Variants in CACNA1D observed in about 807,000 individuals in gnomAD.
The protein encoded by CACNA1D is calcium voltage-gated channel subunit alpha1 D.
In CACNA1D, 55 loss-of-function variants were observed where a neutral mutation model predicts 257.1. The ratio of observed to expected loss-of-function variants is 0.21; its 90% confidence interval spans 0.17 to 0.27. CACNA1D has a LOEUF of 0.27. Ranked by LOEUF, CACNA1D falls within the 10% of genes least tolerant of loss-of-function variation. The probability of loss-of-function intolerance (pLI) is 1.00; values close to 1 mark genes in which losing one functional copy is unlikely to be tolerated. For synonymous variants in CACNA1D, 980 were observed against 1,014.9 expected (o/e 0.97, Z 0.65); for missense variants, 1,876 against 2,784.0 (o/e 0.67, Z 7.34).
Position 53,762,026 on chromosome 3 carries a change from T to C in CACNA1D, c.3815T>C (p.Phe1272Ser). 1 of 1,613,860 alleles carries C rather than the reference T, an allele frequency of 6.2e-7. No individual in the cohort carries two copies. The highest frequency in any genetic ancestry group is 8.5e-7 in the Non-Finnish European group (1 of 1,179,712). ...TATTTTAGTGACGCCTGGAACACGT[T>C]TGACTCCCTCATCGTAATCGGCAGC... ...KGYFSDAWNTFDSLIVIGSII... is the reference protein window; with the variant it reads ...KGYFSDAWNTSDSLIVIGSII... Residue 1272 changes from phenylalanine to serine, a missense_variant, in exon 30 of 48, where the codon TTT becomes TCT. This residue lies in a region of CACNA1D where 204 missense variants were observed against 309.4 expected (regional missense o/e 0.66). Coordinates refer to ENST00000350061, the MANE Select transcript of CACNA1D (RefSeq NM_001128840.3).
rs58591238 is a variant in CACNA1D, at chr3:53,702,569, G to A, written c.1221-72G>A. The A allele has an allele frequency of 1.8e-3, 2,575 of 1,449,416 alleles. 40 individuals are homozygous for A. In the African/African-American group the frequency reaches 0.031, roughly 18 times the overall value. The allele number at this position is 1,449,416 out of a possible 1,614,324, so 89.8% of individuals were successfully genotyped here. ...GTCCTGCCCACAAGACTGTTGTGCA[G>A]TAGGGCAGTGGCTCAGGATGCAGGT... On this transcript the variant is annotated intron_variant, in intron 8 of 47. Transcript: ENST00000350061.
Position 53,660,154 on chromosome 3 carries a change from A to G in CACNA1D, c.645A>G (p.Glu215=), listed in dbSNP as rs751327527. Reference sequence around the variant, plus strand: ...TCAGATTGTTTAGTGTAATTTTGGAACAATTAACCAAAGAAACAGAAGGCG... The same window carrying G: ...TCAGATTGTTTAGTGTAATTTTGGAGCAATTAACCAAAGAAACAGAAGGCG... ...VIVGLFSVIL[E]QLTKETEGGN... The change falls in exon 5 of 48, where the codon GAA becomes GAG. Residue 215 remains glutamate, a synonymous_variant. Coordinates refer to ENST00000350061, the MANE Select transcript of CACNA1D (RefSeq NM_001128840.3). 1.1e-4 allele frequency: 176 copies of G among 1,613,852 alleles called. No homozygotes were observed. Among genetic ancestry groups the G allele is most frequent in the African/African-American group, 1.2e-4 (9 of 74,906 alleles).
At chr3:53,756,900 C>T (rs1412612198) in intron 29 of CACNA1D, among the ~76,000 whole-genome samples, 2 of 152,210 alleles carry the variant, frequency 1.3e-5, no homozygotes, top group African/African-American at 4.8e-5. Context: ...GGTTACTGGC[C>T]TTCTCCAGTG....
At position 53,621,903 on chromosome 3, in the gene CACNA1D, T is replaced by C. The variant is rs569209956; in HGVS notation, c.484-28876T>C. Among the ~76,000 whole-genome samples, 3 of 152,208 alleles carry C rather than the reference T, an allele frequency of 2.0e-5. 1 individual carries two copies. Among genetic ancestry groups the C allele is most frequent in the South Asian group, 4.1e-4 (2 of 4,822 alleles). Reference sequence around the variant, plus strand: ...TTCAGAAAAATGCAAGTTAAAACCATAGGACATGCTACTACACACCTACCA... The same window carrying C: ...TTCAGAAAAATGCAAGTTAAAACCACAGGACATGCTACTACACACCTACCA... On this transcript the variant is annotated intron_variant, in intron 3 of 47. Transcript: ENST00000350061.
chr3:53,786,546 C>T, intron 39 of CACNA1D: 1 of 429,310 alleles, frequency 2.3e-6, no homozygotes, highest in South Asian at 2.5e-5. Context: ...TACTAATATG[C>T]TGCTCTATTA....
intron 45 of CACNA1D, among the ~76,000 whole-genome samples, chr3:53,805,848 T>G (rs1212284073): frequency 9.6e-6 from 1 of 104,152 alleles, no homozygotes; most frequent in Admixed American, 1.1e-4. Flanking sequence ...CCTCCATCTT[T>G]CCTCCTCCTC....
At chr3:53,677,950 A>G (rs1045587180) in intron 8 of CACNA1D, among the ~76,000 whole-genome samples, 17 of 152,188 alleles carry the variant, frequency 1.1e-4, no homozygotes, top group African/African-American at 4.1e-4. Context: ...GTGAGGACTC[A>G]GTGAGCTGAA....
intron 20 of CACNA1D, among the ~76,000 whole-genome samples, chr3:53,738,108 G>A (rs746257525): frequency 1.5e-4 from 23 of 152,210 alleles, no homozygotes; most frequent in South Asian, 1.0e-3. Context: ...GGAGGCTGGC[G>A]AGTGTGCAAG....
Position 53,505,171 on chromosome 3 carries a change from C to A in CACNA1D, c.483+3451C>A, listed in dbSNP as rs1487126240. On this transcript the variant is annotated intron_variant, in intron 3 of 47. Coordinates refer to ENST00000350061, the MANE Select transcript of CACNA1D (RefSeq NM_001128840.3). ...TTGCCCAGGCTGGAGTGCTGTGGTG[C>A]AATTTCGGCTCACTGCAAGCTCCGC... Among the ~76,000 whole-genome samples, 10 of 129,688 alleles carry A rather than the reference C, an allele frequency of 7.7e-5. No homozygotes were observed. In the Admixed American group the frequency reaches 8.4e-4, roughly 11 times the overall value. 85.1% of individuals were successfully genotyped at this position (129,688 alleles called of 152,430 possible).
chr3:53,713,546 GA>G (rs2094786363), intron 9 of CACNA1D, among the ~76,000 whole-genome samples: 1 of 143,098 alleles, frequency 7.0e-6, no homozygotes, highest in African/African-American at 2.5e-5. Flanking sequence ...GTGTGTGTGA[GA>G]GATTTGCCTC....
chr3:53,798,588 A>G (rs1285235388), intron 40 of CACNA1D, among the ~76,000 whole-genome samples: 2 of 152,204 alleles, frequency 1.3e-5, no homozygotes, highest in Admixed American at 1.3e-4. Context: ...AATTCACTAA[A>G]TGGAAAGATC....
intron 3 of CACNA1D, among the ~76,000 whole-genome samples, chr3:53,638,960 G>A (rs2093917115): frequency 6.6e-6 from 1 of 152,232 alleles, no homozygotes; most frequent in Admixed American, 6.5e-5. Flanking sequence ...AGACAACAGA[G>A]GAGTCCAGGT....
rs367786816 is a variant in CACNA1D at position 53,702,799 on chromosome 3, G to A, written c.1379G>A (p.Gly460Asp). 5.4e-5 allele frequency: 87 copies of A among 1,614,072 alleles called. No individual in the cohort carries two copies. The highest frequency in any genetic ancestry group is 7.1e-5 in the Non-Finnish European group (84 of 1,180,042). The change falls in exon 9 of 48, where the codon GGC becomes GAC. Residue 460 changes from glycine (G) to aspartate (D), a missense_variant. Coordinates refer to ENST00000350061, the MANE Select transcript of CACNA1D (RefSeq NM_001128840.3). ...PENEEEGGEE[G>D]KRNTSMPTSE... Reference sequence around the variant, plus strand: ...AATGAGGAAGAAGGAGGAGAGGAAGGCAAACGAAATAGTATGTAGCGCCTT... The same window carrying A: ...AATGAGGAAGAAGGAGGAGAGGAAGACAAACGAAATAGTATGTAGCGCCTT...
At chr3:53,599,131 G>A (rs970107916) in intron 3 of CACNA1D, among the ~76,000 whole-genome samples, 7 of 151,964 alleles carry the variant, frequency 4.6e-5, no homozygotes, top group African/African-American at 1.7e-4. Flanking sequence ...AGGGTCTTCT[G>A]CAGTGACAGC....
chr3:53,551,412 G>T (rs763270738), intron 3 of CACNA1D, among the ~76,000 whole-genome samples: 9 of 152,218 alleles, frequency 5.9e-5, no homozygotes, highest in Admixed American at 2.6e-4. Flanking sequence ...GTTTTGTCTG[G>T]GTCAGACTGA....
chr3:53,523,476 C>T (rs1191067811), intron 3 of CACNA1D, among the ~76,000 whole-genome samples: 4 of 152,236 alleles, frequency 2.6e-5, no homozygotes, highest in Non-Finnish European at 5.9e-5. Flanking sequence ...AAAGGATTGA[C>T]CAAGAATCAT....
At chr3:53,533,336 G>T (rs530104016) in intron 3 of CACNA1D, among the ~76,000 whole-genome samples, 9 of 152,142 alleles carry the variant, frequency 5.9e-5, no homozygotes, top group South Asian at 2.1e-4. Context: ...TTTAAAAATC[G>T]CGTATGTGGG....
intron 3 of CACNA1D, among the ~76,000 whole-genome samples, chr3:53,541,279 G>T (rs751219938): frequency 3.3e-5 from 5 of 152,110 alleles, no homozygotes; most frequent in Non-Finnish European, 7.3e-5. Context: ...GGTCTAACTG[G>T]CCATATTCAG....
chr3:53,664,253 G>C (rs1427438974), intron 5 of CACNA1D, among the ~76,000 whole-genome samples: 1 of 152,046 alleles, frequency 6.6e-6, no homozygotes, highest in Non-Finnish European at 1.5e-5. Context: ...TTTTGTTGGG[G>C]ACACTGGGAT....
Sources: allele counts gnomAD v4.1 joint callset (sites outside exome capture counted in the v4.1 genomes callset), GRCh38; gene constraint gnomAD v4.1.1; regional missense constraint gnomAD v4.1.1; transcripts MANE v1.5; gene names NCBI Gene and HGNC (gene_info 2026-07-23, HGNC 2026-07-21).